The following AGMO variants were observed in gnomAD, a reference collection of about 807,000 sequenced individuals.
The protein encoded by AGMO is alkylglycerol monooxygenase, also known as glyceryl-ether monooxygenase.
AGMO carries 75 observed loss-of-function variants against 60.2 expected under a neutral mutation model. The ratio of observed to expected loss-of-function variants is 1.25; its 90% CI spans 1.03 to 1.51. AGMO has a LOEUF of 1.51. Ranked by LOEUF, AGMO falls within the 40% of genes most tolerant of loss-of-function variation. AGMO has a pLI of 0.00. For synonymous variants in AGMO, 261 were observed against 177.1 expected, an observed-to-expected ratio of 1.47 and a Z score of -3.76; for missense variants, 763 against 525.5, an observed-to-expected ratio of 1.45 and a Z score of -4.42.
the AGMO span, among the ~76,000 whole-genome samples, chr7:15,145,809 A>C: frequency 6.6e-6 from 1 of 152,146 alleles, no homozygotes; most frequent in Non-Finnish European, 1.5e-5. Context: ...ATACAAATTG[A>C]ATAATATAAC....
chr7:15,492,435 T>C (rs987401207), intron 3 of AGMO, among the ~76,000 whole-genome samples: 7 of 151,416 alleles, frequency 4.6e-5, no homozygotes, highest in Admixed American at 2.6e-4. Context: ...CGCAGGGCTA[T>C]ATAAGTCCTA....
intron 12 of AGMO, among the ~76,000 whole-genome samples, chr7:15,251,534 T>G (rs940063832): frequency 1.3e-5 from 2 of 152,230 alleles, no homozygotes; most frequent in Admixed American, 6.5e-5. Context: ...CAGAAGTCTC[T>G]GTCCTTGTGA....
the AGMO span, among the ~76,000 whole-genome samples, chr7:15,166,087 T>G: frequency 6.6e-6 from 1 of 152,162 alleles, no homozygotes; most frequent in African/African-American, 2.4e-5. Context: ...TACATTCTTA[T>G]AGGAAGTGAC....
At chr7:15,410,095 G>C (rs1269615940) in intron 5 of AGMO, among the ~76,000 whole-genome samples, 1 of 151,400 alleles carries the variant, frequency 6.6e-6, no homozygotes, top group Non-Finnish European at 1.5e-5. Flanking sequence ...AGAATTCTTG[G>C]GCTGAGACCA....
At chr7:15,352,992 G>A (rs929192535) in intron 12 of AGMO, among the ~76,000 whole-genome samples, 3 of 152,060 alleles carry the variant, frequency 2.0e-5, no homozygotes, top group African/African-American at 7.2e-5. Flanking sequence ...GGATGCGCAG[G>A]TCATAAATCA....
At chr7:15,465,197 C>G (rs2128510018) in intron 3 of AGMO, among the ~76,000 whole-genome samples, 1 of 152,016 alleles carries the variant, frequency 6.6e-6, no homozygotes, top group Non-Finnish European at 1.5e-5. Flanking sequence ...CTATTGCGAG[C>G]CGAACTCACC....
At chr7:15,559,435 A>T (rs1248536660) in intron 2 of AGMO, among the ~76,000 whole-genome samples, 1 of 152,038 alleles carries the variant, frequency 6.6e-6, no homozygotes, top group African/African-American at 2.4e-5. Flanking sequence ...CTTGCTGAAG[A>T]GTGTGATGTC....
At chr7:15,357,616 T>G (rs1562454875) in intron 12 of AGMO, among the ~76,000 whole-genome samples, 2 of 152,190 alleles carry the variant, frequency 1.3e-5, no homozygotes, top group African/African-American at 4.8e-5. Flanking sequence ...TCAAGAAGCC[T>G]TGCAAATGCA....
chr7:15,303,807 T>C (rs1011155158), intron 12 of AGMO, among the ~76,000 whole-genome samples: 1 of 152,186 alleles, frequency 6.6e-6, no homozygotes, highest in Non-Finnish European at 1.5e-5. Context: ...TACATGTATG[T>C]ATACTCTTGT....
At chr7:15,212,595 C>T (rs1169386455) in intron 12 of AGMO, among the ~76,000 whole-genome samples, 1 of 151,912 alleles carries the variant, frequency 6.6e-6, no homozygotes, top group African/African-American at 2.4e-5. Flanking sequence ...ATTACATTTT[C>T]TACTGACTTA....
chr7:15,393,975 AG>A, intron 6 of AGMO, 137 bp downstream of exon 6: 1 of 536,408 alleles, frequency 1.9e-6, no homozygotes, highest in Admixed American at 3.5e-5. Context: ...CAAAGAAGAT[AG>A]AAAAGAAGAA....
intron 3 of AGMO, among the ~76,000 whole-genome samples, chr7:15,507,922 C>G (rs1023177430): frequency 1.3e-5 from 2 of 151,870 alleles, no homozygotes; most frequent in African/African-American, 4.8e-5. Context: ...TGGGATAGGT[C>G]CTGAGGTGAT....
At chr7:15,149,581 A>G in the AGMO span, among the ~76,000 whole-genome samples, 7 of 152,218 alleles carry the variant, frequency 4.6e-5, no homozygotes, top group East Asian at 7.7e-4. Flanking sequence ...CTTTTCCCCT[A>G]TTGCTTACTA....
chr7:15,358,225 C>A lies in AGMO; in HGVS notation c.1263+7289G>T, dbSNP rs932410946. ...CTACATAGCAGGAATTGTCAGTGCA[C>A]ATTTAATATTTATTGAATAGATCAA... On this transcript the variant is annotated intron_variant, in intron 12 of 12. Transcript: ENST00000342526. The A allele has an allele frequency of 2.8e-5, 6 of 210,656 alleles. No individual in the cohort carries two copies. The East Asian group carries it at 5.8e-4, about 21-fold the overall frequency. The allele number at this position is 210,656 out of a possible 1,614,324, so 13.0% of individuals were successfully genotyped here.
At chr7:15,181,354 C>A in the AGMO span, among the ~76,000 whole-genome samples, 1 of 152,118 alleles carries the variant, frequency 6.6e-6, no homozygotes, top group African/African-American at 2.4e-5. Flanking sequence ...TTTCTATCAA[C>A]TGAGACTCTT....
intron 12 of AGMO, among the ~76,000 whole-genome samples, chr7:15,214,012 C>T (rs1402609023): frequency 6.6e-6 from 1 of 151,848 alleles, no homozygotes; most frequent in Non-Finnish European, 1.5e-5. Flanking sequence ...TGTATATATC[C>T]AGTAACAAAA....
At chr7:15,214,405 TA>T (rs1229837189) in intron 12 of AGMO, among the ~76,000 whole-genome samples, 4 of 152,008 alleles carry the variant, frequency 2.6e-5, no homozygotes, top group Admixed American at 6.6e-5. Flanking sequence ...CAGCAAAAGT[TA>T]TGCAGAGTTA....
chr7:15,544,800 G>C lies in AGMO; in HGVS notation c.381C>G (p.Gly127=). 1.2e-6 allele frequency: 2 copies of C among 1,606,612 alleles called. No homozygotes were observed. The highest frequency in any genetic ancestry group is 1.7e-6 in the Non-Finnish European group (2 of 1,176,424). Residue 127 remains glycine, a synonymous_variant, in exon 3 of 13, where the codon GGC becomes GGG. Coordinates refer to ENST00000342526, the MANE Select transcript of AGMO (RefSeq NM_001004320.2). ...GAGCCATACGATGGAACCAGTAGTA[G>C]CCAAAGTCAACTCCTAAGAAGGCTG... ...WYSAFLGVDF[G]YYWFHRMAHE...
chr7:15,409,398 G>C (rs1784783641), intron 5 of AGMO, among the ~76,000 whole-genome samples: 1 of 151,926 alleles, frequency 6.6e-6, no homozygotes, highest in African/African-American at 2.4e-5. Context: ...AGTGTGACAA[G>C]TGAATGAAGT....
Sources: gnomAD v4.1 joint callset for allele counts (sites outside exome capture counted in the v4.1 genomes callset) on GRCh38, gnomAD v4.1.1 for gene constraint, MANE v1.5 for transcripts, NCBI Gene and HGNC (gene_info 2026-07-23, HGNC 2026-07-21) for gene names.